CCDC33: variants seen among roughly 807,000 people sequenced by gnomAD.
The protein encoded by CCDC33 is coiled-coil domain-containing protein 33.
CCDC33 carries 94 observed loss-of-function variants against 91.9 expected under a neutral mutation model. That is an observed-to-expected ratio of 1.02 (90% CI 0.87 to 1.21). The LOEUF is 1.21. CCDC33 is among the 50% of genes most tolerant of loss of function. The pLI is 0.00. For synonymous variants in CCDC33, 396 were observed against 374.5 expected (o/e 1.06, Z -0.66); for missense variants, 940 against 935.5 (o/e 1.00, Z -0.06).
intron 1 of CCDC33, among the ~76,000 whole-genome samples, chr15:74,239,842 C>T (rs1408949819): frequency 6.6e-6 from 1 of 152,182 alleles, no homozygotes; most frequent in Non-Finnish European, 1.5e-5. Context: ...GGGGGGTACC[C>T]CATCACCCCC....
At chr15:74,223,637 A>G (rs1015565376) in intron 2 of CCDC33, among the ~76,000 whole-genome samples, 2 of 149,660 alleles carry the variant, frequency 1.3e-5, no homozygotes, top group African/African-American at 4.9e-5. Context: ...ATTGACTCCC[A>G]GCCCCCACCC....
rs143926119 is a variant in CCDC33 at position 74,255,837 on chromosome 15, T to C, written c.186-6603T>C. On this transcript the variant is annotated intron_variant, in intron 2 of 18. Transcript: ENST00000398814. The stretch of plus-strand genomic sequence containing the variant: ...CGCTCTTGGGACAGGACTTGGGATC[T>C]GAACCCTCCTCCCAGCCAAGAGCTA... Among the ~76,000 whole-genome samples, 24 of 152,354 alleles carry C rather than the reference T, an allele frequency of 1.6e-4. No homozygotes were observed. In the East Asian group the frequency reaches 4.6e-3, roughly 29 times the overall value.
chr15:74,215,989 G>A (rs191515468), upstream of CCDC33, among the ~76,000 whole-genome samples: 7 of 152,330 alleles, frequency 4.6e-5, no homozygotes, highest in Admixed American at 2.6e-4. Flanking sequence ...ATAAACCGGC[G>A]TGATTCTGAG....
At chr15:74,284,038 A>G (rs1043682119) in intron 10 of CCDC33, among the ~76,000 whole-genome samples, 23 of 152,214 alleles carry the variant, frequency 1.5e-4, no homozygotes, top group Admixed American at 9.8e-4. Context: ...TTGGTAAACT[A>G]TCTGAGAATT....
At position 74,333,230 on chromosome 15, in the gene CCDC33, G is replaced by A. The variant is rs374939337; in HGVS notation, c.1938+385G>A. ...CCCTTTTCCATCCCAGGTGGACCCCGGGGAGTTGGGAGCAGGAGGAGACTT... is the reference window on the plus strand; with the variant it reads ...CCCTTTTCCATCCCAGGTGGACCCCAGGGAGTTGGGAGCAGGAGGAGACTT... On this transcript the variant is annotated intron_variant, in intron 16 of 18. Coordinates refer to ENST00000398814, the MANE Select transcript of CCDC33 (RefSeq NM_025055.5). The A allele has an allele frequency of 1.7e-5, 27 of 1,593,266 alleles. 1 individual carries two copies. The highest frequency in any genetic ancestry group is 9.4e-5 in the African/African-American group (7 of 74,594).
At chr15:74,304,913 C>T (rs1027198114) in intron 11 of CCDC33, among the ~76,000 whole-genome samples, 3 of 151,984 alleles carry the variant, frequency 2.0e-5, no homozygotes, top group South Asian at 2.1e-4. Flanking sequence ...CCAAGACCCC[C>T]GAATGGGCCT....
chr15:74,230,398 A>G (rs1024885719), intron 2 of CCDC33, among the ~76,000 whole-genome samples: 1 of 152,156 alleles, frequency 6.6e-6, no homozygotes, highest in Non-Finnish European at 1.5e-5. Flanking sequence ...AGGCAGCTTC[A>G]TTGCTCACTC....
In CCDC33 at chr15:74,290,557, A is replaced by G. The variant is rs140405763; in HGVS notation, c.1096-5197A>G. 6.8e-3 allele frequency among the ~76,000 whole-genome samples: 1,030 copies of G among 152,302 alleles called. 14 individuals carry two copies. Among genetic ancestry groups the G allele is most frequent in the African/African-American group, 0.024 (985 of 41,562 alleles). ...GCATTGAATATACAGAGGTCAGGGC[A>G]AGCATCACAGAAAGGCATGGTTTGA... On this transcript the variant is annotated intron_variant, in intron 10 of 18. Transcript: ENST00000398814.
chr15:74,326,037 G>A (rs2060303430), intron 11 of CCDC33, among the ~76,000 whole-genome samples: 1 of 152,206 alleles, frequency 6.6e-6, no homozygotes, highest in Non-Finnish European at 1.5e-5. Flanking sequence ...ACCATTAAAA[G>A]TGCGACGGCA....
chr15:74,272,636 G>A (rs1047707407), intron 6 of CCDC33, 135 bp from the exon 7 acceptor site: 15 of 1,143,746 alleles, frequency 1.3e-5, no homozygotes, highest in African/African-American at 3.1e-5. Flanking sequence ...CTTGTCGTGA[G>A]GTCCAGGCCC....
intron 11 of CCDC33, chr15:74,300,276 T>G (rs889110683): frequency 6.6e-6 from 1 of 152,274 alleles, no homozygotes; most frequent in African/African-American, 2.4e-5. Flanking sequence ...CGTAGAAGCA[T>G]GTCACACAGC....
At position 74,243,983 on chromosome 15, in the gene CCDC33, A is replaced by G; in HGVS notation, c.22-2A>G. ...AACACTCAGCCCTGGCTCTCCCCAC[A>G]GAACACTGAAGACCCAGAGGAGCCC... On this transcript the variant is annotated splice_acceptor_variant, in intron 1 of 18. Coordinates refer to ENST00000398814, the MANE Select transcript of CCDC33 (RefSeq NM_025055.5). LOFTEE classifies it high-confidence loss of function. The G allele has an allele frequency of 6.2e-7, 1 of 1,602,086 alleles. No homozygotes were observed. Among genetic ancestry groups the G allele is most frequent in the Non-Finnish European group, 8.5e-7 (1 of 1,176,542 alleles).
chr15:74,213,851 C>G (rs980582982), upstream of CCDC33, among the ~76,000 whole-genome samples: 4 of 152,190 alleles, frequency 2.6e-5, no homozygotes, highest in Non-Finnish European at 5.9e-5. Context: ...CAGGGTGGAG[C>G]AGTGATGATC....
chr15:74,223,528 G>T (rs1595886433), intron 2 of CCDC33, among the ~76,000 whole-genome samples: 1 of 152,062 alleles, frequency 6.6e-6, no homozygotes, highest in East Asian at 1.9e-4. Flanking sequence ...TTACCCTGGA[G>T]CGGATTGAAT....
In CCDC33 at chr15:74,330,182, T is replaced by C. The variant is rs758238403; in HGVS notation, c.1291-7T>C. The C allele has an allele frequency of 5.0e-6, 8 of 1,595,286 alleles. No homozygotes were observed. Among genetic ancestry groups the C allele is most frequent in the Non-Finnish European group, 6.8e-6 (8 of 1,168,218 alleles). On this transcript the variant is annotated splice_region_variant and splice_polypyrimidine_tract_variant and intron_variant, in intron 11 of 18. Transcript: ENST00000398814. ...GTGGGCTCAGCTCTGGGCTCTGGGA[T>C]CCACAGGAGATGAACAACTACCGGC...
downstream of CCDC33, chr15:74,336,244 C>T: frequency 7.0e-7 from 1 of 1,423,684 alleles, no homozygotes; most frequent in Non-Finnish European, 9.2e-7. Flanking sequence ...AGCCTTACAG[C>T]CTCCCGCCTG....
chr15:74,333,011 C>A (rs2060473517), intron 16 of CCDC33, 166 bp downstream of exon 16: 2 of 824,932 alleles, frequency 2.4e-6, no homozygotes, highest in Non-Finnish European at 3.7e-6. Flanking sequence ...TCTTTTTCTC[C>A]TGCGGAATGT....
chr15:74,298,625 C>T lies in CCDC33; in HGVS notation c.1290+2677C>T, dbSNP rs545356865. ...TGCGATCTCAGCTCACCACAACATC[C>T]GCCTCCCGGGTTCAAGAGATTCTCC... is the stretch of plus-strand genomic sequence containing the variant. On this transcript the variant is annotated intron_variant, in intron 11 of 18. Coordinates refer to ENST00000398814, the MANE Select transcript of CCDC33 (RefSeq NM_025055.5). Among the ~76,000 whole-genome samples the T allele has an allele frequency of 1.6e-4, 24 of 152,060 alleles. No homozygotes were observed. The East Asian group carries it at 3.3e-3, about 21-fold the overall frequency.
chr15:74,330,189 G>A lies in CCDC33; in HGVS notation c.1291G>A (p.Glu431Lys), dbSNP rs2060398487. ...PLVPEMSHDT[E>K]MNNYRRAMQK... is the part of the protein sequence containing the mutation. ...CAGCTCTGGGCTCTGGGATCCACAG[G>A]AGATGAACAACTACCGGCGGGCCAT... The change falls in exon 12 of 19, where the codon GAG becomes AAG. Residue 431 changes from glutamate (E) to lysine (K), a missense_variant and splice_region_variant. Glu to Lys is a moderately conservative substitution (Grantham distance 56, BLOSUM62 1). Transcript: ENST00000398814. 1.2e-6 allele frequency: 2 copies of A among 1,602,978 alleles called. No homozygotes were observed. Among genetic ancestry groups the A allele is most frequent in the Non-Finnish European group, 1.7e-6 (2 of 1,173,342 alleles).
Sources: allele counts gnomAD v4.1 joint callset (sites outside exome capture counted in the v4.1 genomes callset), GRCh38; gene constraint gnomAD v4.1.1; transcripts MANE v1.5; gene names NCBI Gene and HGNC (gene_info 2026-07-23, HGNC 2026-07-21).